PCLO: variants seen among roughly 807,000 people sequenced by gnomAD.
PCLO encodes protein piccolo.
A neutral mutation model predicts 427.5 loss-of-function variants in PCLO; 82 were observed. That is an observed-to-expected ratio of 0.19 (90% CI 0.16 to 0.23). PCLO has a LOEUF of 0.23. PCLO is among the 10% of genes least tolerant of loss of function. PCLO has a pLI of 1.00. For synonymous variants in PCLO, 2,357 were observed against 2,155.4 expected (o/e 1.09, Z -2.59); for missense variants, 6,239 against 6,115.9 (o/e 1.02, Z -0.67).
chr7:83,102,180 A>G (rs1444267945), intron 3 of PCLO, among the ~76,000 whole-genome samples: 4 of 152,028 alleles, frequency 2.6e-5, no homozygotes, highest in Non-Finnish European at 5.9e-5. Flanking sequence ...AAATCAAGTT[A>G]TAAGTATGGT....
rs1790302534 is a variant in PCLO, at chr7:82,755,657, A to T, written c.*2918T>A. 6.6e-6 allele frequency: 1 copy of T among 151,860 alleles called. No individual in the cohort carries two copies. The allele number at this position is 151,860 out of a possible 1,614,324, so 9.4% of individuals were successfully genotyped here. A position where few individuals can be genotyped will look rare whatever the true frequency, so the allele number is the denominator to read the frequency against. ...TTACAAACTCTGTCAGTATTAGAAT[A>T]AAAAAAAGTTAATTCCAATAAAATG... is the stretch of plus-strand genomic sequence containing the variant. On this transcript the variant is annotated 3_prime_UTR_variant, in exon 25 of 25. Coordinates refer to ENST00000333891, the MANE Select transcript of PCLO (RefSeq NM_033026.6).
Position 82,952,435 on chromosome 7 carries a change from T to G in PCLO, c.8518A>C (p.Ser2840Arg). The change falls in exon 5 of 25, where the codon AGT (serine) becomes CGT (arginine). Residue 2840 changes from serine to arginine, a missense_variant. Coordinates refer to ENST00000333891, the MANE Select transcript of PCLO (RefSeq NM_033026.6). ...KHAEPPYRIP[S>R]DQVFPIAREE... ...CTAGCTATAGGAAAGACCTGGTCAC[T>G]TGGTATCCTGTATGGGGGCTCAGCA... The G allele has an allele frequency of 3.1e-6, 5 of 1,613,924 alleles. No individual in the cohort carries two copies. The highest frequency in any genetic ancestry group is 4.2e-6 in the Non-Finnish European group (5 of 1,179,844).
At position 82,838,221 on chromosome 7, in the gene PCLO, C is replaced by T; in HGVS notation, c.14219G>A (p.Arg4740Lys). 6.3e-7 allele frequency: 1 copy of T among 1,598,226 alleles called. No homozygotes were observed. Among genetic ancestry groups the T allele is most frequent in the Non-Finnish European group, 8.6e-7 (1 of 1,169,556 alleles). ...AGTACTTCTTAATTTTACTTACCCT[C>T]TCCCTGGAAGAAGGTACACTTTCAC... ...PFVKVYLLPGRGQVMVVQNAS... is the reference protein window; with the variant it reads ...PFVKVYLLPGKGQVMVVQNAS... The change falls in exon 15 of 25, where the codon AGA becomes AAA. Residue 4740 changes from arginine to lysine, a missense_variant. Physicochemically the swap from Arg to Lys is conservative, Grantham distance 26 (BLOSUM62 2). Transcript: ENST00000333891.
chr7:83,026,066 C>G (rs1788486913), intron 3 of PCLO, among the ~76,000 whole-genome samples: 1 of 151,726 alleles, frequency 6.6e-6, no homozygotes, highest in South Asian at 2.1e-4. Flanking sequence ...AAATCACCAG[C>G]TAACATCATC....
intron 4 of PCLO, among the ~76,000 whole-genome samples, chr7:82,963,676 C>T (rs1795702048): frequency 6.6e-6 from 1 of 151,984 alleles, no homozygotes; most frequent in African/African-American, 2.4e-5. Context: ...AATCAGTGCT[C>T]TCTCTAAAAT....
At chr7:83,031,708 C>G (rs1454142306) in intron 3 of PCLO, among the ~76,000 whole-genome samples, 2 of 136,964 alleles carry the variant, frequency 1.5e-5, no homozygotes, top group African/African-American at 5.2e-5. Flanking sequence ...AGAAATGAGT[C>G]TTAATCTCTC....
At chr7:83,050,221 A>C (rs868061485) in intron 3 of PCLO, among the ~76,000 whole-genome samples, 2 of 93,890 alleles carry the variant, frequency 2.1e-5, no homozygotes, top group Non-Finnish European at 4.5e-5. Flanking sequence ...AAAAAAAAAA[A>C]AAAAAAAAAA....
At chr7:82,946,270 C>A (rs1274081740) in intron 6 of PCLO, among the ~76,000 whole-genome samples, 2 of 152,104 alleles carry the variant, frequency 1.3e-5, no homozygotes, top group Non-Finnish European at 2.9e-5. Flanking sequence ...TTATAATCTT[C>A]CCTTTAATAA....
intron 5 of PCLO, among the ~76,000 whole-genome samples, 174 bp downstream of exon 5, chr7:82,951,682 T>A (rs1795353333): frequency 6.6e-6 from 1 of 152,182 alleles, no homozygotes; most frequent in Admixed American, 6.5e-5. Context: ...GAACAAATTT[T>A]TTTTAAAATG....
intron 3 of PCLO, among the ~76,000 whole-genome samples, chr7:83,062,575 C>T (rs1004368551): frequency 6.6e-6 from 1 of 152,146 alleles, no homozygotes; most frequent in African/African-American, 2.4e-5. Flanking sequence ...TAAGACCCCA[C>T]TTGTTCTGCT....
Position 82,756,421 on chromosome 7 carries a change from C to A in PCLO, c.*2154G>T, listed in dbSNP as rs1790319392. ...CCACTCTCCCATGCTCATTTGAGAG[C>A]AATGTCAATGGTAAATGACATTGTA... On this transcript the variant is annotated 3_prime_UTR_variant, in exon 25 of 25. Transcript: ENST00000333891. The A allele has an allele frequency of 1.3e-5, 2 of 151,830 alleles. No homozygotes were observed. Among genetic ancestry groups the A allele is most frequent in the South Asian group, 4.1e-4 (2 of 4,824 alleles). The allele number at this position is 151,830 out of a possible 1,614,324, so 9.4% of individuals were successfully genotyped here.
intron 3 of PCLO, among the ~76,000 whole-genome samples, chr7:83,100,647 C>A (rs935688945): frequency 6.6e-6 from 1 of 152,076 alleles, no homozygotes; most frequent in African/African-American, 2.4e-5. Context: ...CACAGGGGAC[C>A]TTTTTGGAGG....
chr7:83,051,121 G>C (rs1789243555), intron 3 of PCLO, among the ~76,000 whole-genome samples: 1 of 152,052 alleles, frequency 6.6e-6, no homozygotes, highest in Admixed American at 6.6e-5. Context: ...TTAATGGTGA[G>C]AAACTAAGAC....
intron 3 of PCLO, among the ~76,000 whole-genome samples, chr7:83,036,519 T>G (rs894829842): frequency 2.0e-5 from 3 of 152,134 alleles, no homozygotes; most frequent in African/African-American, 7.2e-5. Flanking sequence ...TTCTTTTGCC[T>G]GCTTTTCTTA....
At chr7:83,075,019 A>G (rs1265391958) in intron 3 of PCLO, among the ~76,000 whole-genome samples, 1 of 152,096 alleles carries the variant, frequency 6.6e-6, no homozygotes, top group African/African-American at 2.4e-5. Flanking sequence ...CAATCCAATA[A>G]ACAGTTGAAT....
Position 82,956,354 on chromosome 7 carries a change from A to C in PCLO, c.4599T>G (p.Val1533=), listed in dbSNP as rs778955817. 59 of 1,613,128 alleles carry C rather than the reference A, an allele frequency of 3.7e-5. No homozygotes were observed. The South Asian group carries it at 5.8e-4, about 16-fold the overall frequency. Residue 1533 remains valine, a synonymous_variant, in exon 5 of 25, where the codon GTT becomes GTG. Transcript: ENST00000333891. ...TATACTCATCACTGCTTGATGAGCC[A>C]ACACTAGTTCTTCGTTTTCTTTGTG... is the stretch of plus-strand genomic sequence containing the variant. ...PVPQRKRRTS[V]GSSSSDEYKQ... is the part of the protein sequence containing the mutation.
chr7:82,953,497 CAGG>C lies in PCLO; in HGVS notation c.7453_7455del (p.Pro2485del), dbSNP rs1562879802. ...GGAATTGAAGATGGCTTAGGAGGAA[CAGG>C]AGGAGGTGCAGTAGTACATATTCTT... is the stretch of plus-strand genomic sequence containing the variant. On this transcript the variant is annotated inframe_deletion, in exon 5 of 25. Coordinates refer to ENST00000333891, the MANE Select transcript of PCLO (RefSeq NM_033026.6). 6.2e-7 allele frequency: 1 copy of C among 1,613,376 alleles called. No homozygotes were observed. Among genetic ancestry groups the C allele is most frequent in the Non-Finnish European group, 8.5e-7 (1 of 1,179,762 alleles).
Position 82,758,251 on chromosome 7 carries a change from G to A in PCLO, c.*324C>T, listed in dbSNP as rs1327764862. On this transcript the variant is annotated 3_prime_UTR_variant, in exon 25 of 25. Coordinates refer to ENST00000333891, the MANE Select transcript of PCLO (RefSeq NM_033026.6). ...GCATGAAAACCACATTAATCTTTGAGCCTGTCTTAAGCTATAGCTCAACTC... is the reference window on the plus strand; with the variant it reads ...GCATGAAAACCACATTAATCTTTGAACCTGTCTTAAGCTATAGCTCAACTC... The A allele has an allele frequency of 5.3e-6, 1 of 186,964 alleles. No homozygotes were observed. The highest frequency in any genetic ancestry group is 2.3e-5 in the African/African-American group (1 of 42,834). The allele number at this position is 186,964 out of a possible 1,614,324, so 11.6% of individuals were successfully genotyped here.
intron 20 of PCLO, among the ~76,000 whole-genome samples, chr7:82,810,571 ACT>A (rs1186810398): frequency 6.6e-6 from 1 of 151,618 alleles, no homozygotes; most frequent in Non-Finnish European, 1.5e-5. Context: ...CATTTTTGTA[ACT>A]CAATTAATTG....
Sources: allele counts gnomAD v4.1 joint callset (sites outside exome capture counted in the v4.1 genomes callset), GRCh38; gene constraint gnomAD v4.1.1; transcripts MANE v1.5; gene names NCBI Gene and HGNC (gene_info 2026-07-23, HGNC 2026-07-21).